ANKLE2: variants seen among roughly 807,000 people sequenced by gnomAD.
The protein encoded by ANKLE2 is ankyrin repeat and LEM domain containing 2.
A neutral mutation model predicts 84.2 loss-of-function variants in ANKLE2; 55 were observed. The ratio of observed to expected loss-of-function variants is 0.65; its 90% CI spans 0.53 to 0.82. The LOEUF (loss-of-function observed/expected upper bound fraction) is 0.82, where lower values mean the gene tolerates loss of function less well. ANKLE2 is among the 40% of genes least tolerant of loss of function. ANKLE2 has a pLI of 0.00. For missense variants in ANKLE2, 1,238 were observed against 1,201.9 expected (o/e 1.03, Z -0.44); for synonymous variants, 551 against 486.1 (o/e 1.13, Z -1.76).
rs1224516820 is a variant in ANKLE2 at position 132,736,998 on chromosome 12, G to A, written c.1488C>T (p.Ser496=). The change falls in exon 8 of 13, where the codon TCC becomes TCT. Residue 496 remains serine (S), a synonymous_variant. Transcript: ENST00000357997. ...TSSPVIGELW[S]PDQTAEASHV... The stretch of plus-strand genomic sequence containing the variant: ...GAGAGGCCTCAGCCGTCTGGTCTGG[G>A]GACCACAGCTCCCCGATGACTGGAG... 6.2e-7 allele frequency: 1 copy of A among 1,613,500 alleles called. No homozygotes were observed. The highest frequency in any genetic ancestry group is 8.5e-7 in the Non-Finnish European group (1 of 1,179,596).
At chr12:132,756,508 G>A (rs2136183034) in intron 1 of ANKLE2, 1 of 152,166 alleles carries the variant, frequency 6.6e-6, no homozygotes, top group East Asian at 1.9e-4. Context: ...CTCCAGCCTG[G>A]GTGACAGAAT....
rs751831197 is a variant in ANKLE2 at position 132,748,183 on chromosome 12, G to A, written c.996C>T (p.Asn332=). 2.5e-6 allele frequency: 4 copies of A among 1,613,928 alleles called. No homozygotes were observed. Among genetic ancestry groups the A allele is most frequent in the East Asian group, 2.2e-5 (1 of 44,868 alleles). Residue 332 remains asparagine (N), a synonymous_variant, in exon 4 of 13, where the codon AAC becomes AAT. Transcript: ENST00000357997. ...EDTFSDLIWS[N]PRYLIGSGDN... ...CTCCTGAGCCTATCAGATACCGGGG[G>A]TTGCTCCAGATAAGGTCAGAAAAGG...
In ANKLE2 at chr12:132,757,820, CT is replaced by C. The variant is rs377587114; in HGVS notation, c.182-2688del. On this transcript the variant is annotated intron_variant, in intron 1 of 12. Coordinates refer to ENST00000357997, the MANE Select transcript of ANKLE2 (RefSeq NM_015114.3). ...CCTGGGCGACAGAGCGAGACTCCGT[CT>C]CAAAAAAAAAAAATTAGCTGAGTGT... The C allele has an allele frequency of 7.8e-3, 1,159 of 149,266 alleles. 8 individuals are homozygous for C. Among genetic ancestry groups the C allele is most frequent in the Middle Eastern group, 0.02 (6 of 296 alleles). The allele number at this position is 149,266 out of a possible 1,614,324, so 9.2% of individuals were successfully genotyped here. A position where few individuals can be genotyped will look rare whatever the true frequency, so the allele number is the denominator to read the frequency against.
At chr12:132,732,338 GA>G in intron 10 of ANKLE2, 1 of 127,824 alleles carries the variant, frequency 7.8e-6, no homozygotes, top group African/African-American at 3.0e-5. Context: ...CGCACCGTGT[GA>G]AGCTCTCTGC....
intron 9 of ANKLE2, 111 bp from the exon 10 acceptor site, chr12:132,734,686 G>T (rs2043971031): frequency 1.8e-6 from 2 of 1,122,758 alleles, no homozygotes; most frequent in Admixed American, 2.5e-5. Context: ...CTGCAATCAT[G>T]GTTATAATTT....
chr12:132,756,307 T>A (rs1593184123), intron 1 of ANKLE2: 1 of 150,928 alleles, frequency 6.6e-6, no homozygotes, highest in Non-Finnish European at 1.5e-5. Context: ...TAGGTGGAGG[T>A]TGCAGTGAGC....
chr12:132,734,800 A>T, intron 9 of ANKLE2: 1 of 517,216 alleles, frequency 1.9e-6, no homozygotes, highest in Non-Finnish European at 3.4e-6. Context: ...GGAGCCGTGA[A>T]CCGGCTGCAG....
chr12:132,749,551 A>G, intron 3 of ANKLE2, among the ~76,000 whole-genome samples: 1 of 152,266 alleles, frequency 6.6e-6, no homozygotes. Flanking sequence ...GTTTCCATCC[A>G]GGAAGCACCT....
chr12:132,750,526 C>A (rs2136166811), intron 3 of ANKLE2, 117 bp downstream of exon 3: 1 of 1,050,654 alleles, frequency 9.5e-7, no homozygotes, highest in Middle Eastern at 2.1e-4. Context: ...CCACTGAGAC[C>A]CCATCGACTC....
chr12:132,741,513 C>T (rs1242459574), intron 6 of ANKLE2, 28 bp from the exon 7 acceptor site: 1 of 1,600,560 alleles, frequency 6.2e-7, no homozygotes, highest in Non-Finnish European at 8.6e-7. Context: ...GTGTCTAAAT[C>T]TTATTTGATC....
At chr12:132,739,334 T>C (rs1322603252) in intron 7 of ANKLE2, among the ~76,000 whole-genome samples, 1 of 152,182 alleles carries the variant, frequency 6.6e-6, no homozygotes, top group Non-Finnish European at 1.5e-5. Flanking sequence ...AGAGTACTAA[T>C]TTTCCATACT....
chr12:132,751,759 T>C (rs1210539693), intron 2 of ANKLE2, among the ~76,000 whole-genome samples: 2 of 151,972 alleles, frequency 1.3e-5, no homozygotes, highest in Non-Finnish European at 2.9e-5. Flanking sequence ...GCCAGGCTAG[T>C]CTTGAACTCC....
rs375522843 is a variant in ANKLE2, at chr12:132,736,951, C to T, written c.1535G>A (p.Ser512Asn). The T allele has an allele frequency of 1.7e-5, 27 of 1,613,892 alleles. No individual in the cohort carries two copies. The highest frequency in any genetic ancestry group is 2.1e-5 in the Non-Finnish European group (25 of 1,179,852). The stretch of plus-strand genomic sequence containing the variant: ...CAGGGTCAGTACCGGGTCTCTGGGG[C>T]TGCCTCCATAGCGGCTGACGTGAGA... The part of the protein sequence containing the change: ...EASHVSRYGG[S>N]PRDPVLTLRA... Residue 512 changes from serine to asparagine, a missense_variant, in exon 8 of 13, where the codon AGC becomes AAC. Physicochemically the swap from Ser to Asn is conservative, Grantham distance 46. Transcript: ENST00000357997.
intron 8 of ANKLE2, among the ~76,000 whole-genome samples, chr12:132,735,720 C>T (rs906191181): frequency 6.6e-6 from 1 of 152,122 alleles, no homozygotes; most frequent in Non-Finnish European, 1.5e-5. Flanking sequence ...GGAGGGGAGG[C>T]GGTCTCCTTT....
intron 8 of ANKLE2, among the ~76,000 whole-genome samples, 175 bp from the exon 9 acceptor site, chr12:132,735,687 G>A (rs557449526): frequency 1.2e-4 from 18 of 152,278 alleles, no homozygotes; most frequent in African/African-American, 2.9e-4. Flanking sequence ...CTGAGTGGCC[G>A]CACGGCTGCA....
chr12:132,727,006 A>G lies in ANKLE2; in HGVS notation c.*236T>C. The G allele has an allele frequency of 1.8e-6, 1 of 549,062 alleles. No homozygotes were observed. The highest frequency in any genetic ancestry group is 3.1e-6 in the Non-Finnish European group (1 of 321,888). The allele number at this position is 549,062 out of a possible 1,614,324, so 34.0% of individuals were successfully genotyped here. A position where few individuals can be genotyped will look rare whatever the true frequency, so the allele number is the denominator to read the frequency against. ...CACCTAAAAAGTCTACCATTACCAC[A>G]TGGATATTTTCCAGAAAATTGGTAA... is the stretch of plus-strand genomic sequence containing the variant. On this transcript the variant is annotated 3_prime_UTR_variant, in exon 13 of 13. Transcript: ENST00000357997.
chr12:132,735,240 G>C (rs1374948722), intron 9 of ANKLE2, 166 bp downstream of exon 9: 4 of 666,874 alleles, frequency 6.0e-6, no homozygotes, highest in Non-Finnish European at 1.0e-5. Context: ...GCTTAAGCTA[G>C]AATTCCACAA....
chr12:132,743,395 A>C lies in ANKLE2; in HGVS notation c.1231-119T>G. 7.5e-7 allele frequency: 1 copy of C among 1,326,718 alleles called. No homozygotes were observed. Among genetic ancestry groups the C allele is most frequent in the South Asian group, 1.7e-5 (1 of 57,172 alleles). The allele number at this position is 1,326,718 out of a possible 1,614,324, so 82.2% of individuals were successfully genotyped here. A position where few individuals can be genotyped will look rare whatever the true frequency, so the allele number is the denominator to read the frequency against. Reference sequence around the variant, plus strand: ...TTTATTTATTTTGAGACGGAGTCTCACTGGCGTGATCTTGGCTCACTGCAA... The same window carrying C: ...TTTATTTATTTTGAGACGGAGTCTCCCTGGCGTGATCTTGGCTCACTGCAA... On this transcript the variant is annotated intron_variant, in intron 5 of 12. Coordinates refer to ENST00000357997, the MANE Select transcript of ANKLE2 (RefSeq NM_015114.3). The surrounding 1 kb of genome is among the most constrained non-coding windows in gnomAD (Gnocchi z 4.1).
At chr12:132,748,366 T>C (rs780803719) in intron 3 of ANKLE2, 35 bp from the exon 4 acceptor site, 5 of 1,611,824 alleles carry the variant, frequency 3.1e-6, no homozygotes, top group Non-Finnish European at 4.2e-6. Context: ...GAACAATCAG[T>C]TTCACCAAAA....
Sources: allele counts gnomAD v4.1 joint callset (sites outside exome capture counted in the v4.1 genomes callset), GRCh38; gene constraint gnomAD v4.1.1; non-coding constraint Gnocchi (gnomAD v3.1); transcripts MANE v1.5; gene names NCBI Gene and HGNC (gene_info 2026-07-23, HGNC 2026-07-21).